Variants in WDFY4 observed in about 807,000 individuals in gnomAD.
WDFY4 encodes WD repeat- and FYVE domain-containing protein 4.
WDFY4 carries 169 observed loss-of-function variants against 351.9 expected under a neutral mutation model. That is an observed-to-expected ratio of 0.48 (90% CI 0.42 to 0.55). The LOEUF (loss-of-function observed/expected upper bound fraction) is 0.55. WDFY4 is among the 20% of genes least tolerant of loss of function. WDFY4 has a pLI of 0.00. For synonymous variants in WDFY4, 1,622 were observed against 1,574.6 expected (o/e 1.03, Z -0.71); for missense variants, 3,803 against 3,935.6 (o/e 0.97, Z 0.90).
intron 43 of WDFY4, among the ~76,000 whole-genome samples, chr10:48,884,538 G>A (rs2070380094): frequency 6.6e-6 from 1 of 151,606 alleles, no homozygotes; most frequent in Non-Finnish European, 1.5e-5. Flanking sequence ...ACATACATGT[G>A]TGCATACACA....
In WDFY4 at chr10:48,946,090, G is replaced by A. The variant is rs762856309; in HGVS notation, c.7800G>A (p.Met2600Ile). ...TTTTCCGGGATCTTTCAAAGCCCATGGGGGCTCAGACCAAGGAAAGGAAGC... is the reference window on the plus strand; with the variant it reads ...TTTTCCGGGATCTTTCAAAGCCCATAGGGGCTCAGACCAAGGAAAGGAAGC... Reference protein sequence around the residue: ...PKIFRDLSKPMGAQTKERKLK... With the variant: ...PKIFRDLSKPIGAQTKERKLK... Residue 2600 changes from methionine (M) to isoleucine (I), a missense_variant, in exon 50 of 62, where the codon ATG (methionine) becomes ATA (isoleucine). Transcript: ENST00000325239. The A allele has an allele frequency of 6.1e-5, 95 of 1,548,468 alleles. No homozygotes were observed. Among genetic ancestry groups the A allele is most frequent in the Middle Eastern group, 1.7e-4 (1 of 6,012 alleles).
intron 44 of WDFY4, among the ~76,000 whole-genome samples, chr10:48,893,614 A>G (rs775183782): frequency 6.6e-6 from 1 of 152,360 alleles, no homozygotes; most frequent in Non-Finnish European, 1.5e-5. Flanking sequence ...GACTCCATAG[A>G]TGGAAAGAGT....
intron 31 of WDFY4, among the ~76,000 whole-genome samples, chr10:48,814,863 G>T (rs938262952): frequency 6.6e-6 from 1 of 152,114 alleles, no homozygotes; most frequent in Non-Finnish European, 1.5e-5. Flanking sequence ...TCCAAGATTC[G>T]ACCATATCCT....
chr10:48,691,896 T>C (rs999767821), intron 1 of WDFY4, among the ~76,000 whole-genome samples: 1 of 152,128 alleles, frequency 6.6e-6, no homozygotes, highest in Admixed American at 6.5e-5. Context: ...AGAGTGGCCC[T>C]GTGTGCAGAA....
chr10:48,686,959 T>G (rs1020499926), intron 1 of WDFY4, among the ~76,000 whole-genome samples: 3 of 152,170 alleles, frequency 2.0e-5, no homozygotes, highest in African/African-American at 7.2e-5. Flanking sequence ...TTCCAAAGTT[T>G]TTGCCTCATT....
At position 48,806,105 on chromosome 10, in the gene WDFY4, C is replaced by A; in HGVS notation, c.4738+10C>A. On this transcript the variant is annotated intron_variant, in intron 27 of 61. Coordinates refer to ENST00000325239, the MANE Select transcript of WDFY4 (RefSeq NM_001394531.1). ...GACCCTTCCCTGCCTGGTGAGAAGA[C>A]CTTTGCCAGTTCGAAGGCAGTAGGA... 6.4e-7 allele frequency: 1 copy of A among 1,551,542 alleles called. No individual in the cohort carries two copies. Among genetic ancestry groups the A allele is most frequent in the Non-Finnish European group, 8.7e-7 (1 of 1,146,862 alleles).
At chr10:48,788,125 T>C (rs1316684074) in intron 20 of WDFY4, among the ~76,000 whole-genome samples, 1 of 151,596 alleles carries the variant, frequency 6.6e-6, no homozygotes, top group Non-Finnish European at 1.5e-5. Flanking sequence ...CCTCCCCGGT[T>C]CAAGCCATTC....
chr10:48,716,240 A>G (rs961018829), intron 2 of WDFY4, among the ~76,000 whole-genome samples: 6 of 152,068 alleles, frequency 3.9e-5, no homozygotes, highest in African/African-American at 1.4e-4. Context: ...TAATAATGAC[A>G]TTTTGTTCGT....
intron 9 of WDFY4, 56 bp from the exon 10 acceptor site, chr10:48,733,875 T>G: frequency 6.8e-7 from 1 of 1,468,216 alleles, no homozygotes; most frequent in Non-Finnish European, 9.3e-7. Flanking sequence ...GTCAGAGATT[T>G]GCGGTCATAC....
chr10:48,754,198 A>C (rs184255380), intron 12 of WDFY4, among the ~76,000 whole-genome samples: 61 of 149,724 alleles, frequency 4.1e-4, no homozygotes, highest in Middle Eastern at 3.6e-3. Flanking sequence ...ATGTATGTTC[A>C]TAAGGGACAT....
At chr10:48,685,487 AG>A in intron 1 of WDFY4, among the ~76,000 whole-genome samples, 1 of 152,138 alleles carries the variant, frequency 6.6e-6, no homozygotes, top group East Asian at 1.9e-4. Flanking sequence ...CGGGCCTCAG[AG>A]GGAGCTGGTC....
At chr10:48,929,631 A>G (rs1414754499) in intron 47 of WDFY4, among the ~76,000 whole-genome samples, 1 of 152,218 alleles carries the variant, frequency 6.6e-6, no homozygotes, top group East Asian at 1.9e-4. Flanking sequence ...CTATACACTA[A>G]CGATTGCCCG....
chr10:48,976,188 T>C (rs1465158466), intron 58 of WDFY4, among the ~76,000 whole-genome samples: 1 of 152,040 alleles, frequency 6.6e-6, no homozygotes, highest in Non-Finnish European at 1.5e-5. Flanking sequence ...ATCCCTTCTG[T>C]GATTAGGGCA....
intron 39 of WDFY4, among the ~76,000 whole-genome samples, chr10:48,846,689 G>A (rs552296140): frequency 6.6e-5 from 10 of 152,334 alleles, no homozygotes; most frequent in Non-Finnish European, 1.3e-4. Context: ...CCAGTGGTGA[G>A]TCACACAGTA....
chr10:48,751,697 A>G (rs1363827122), intron 12 of WDFY4, among the ~76,000 whole-genome samples: 5 of 152,178 alleles, frequency 3.3e-5, no homozygotes, highest in African/African-American at 1.2e-4. Context: ...TCAAGTATCC[A>G]CAGGCCTTAG....
chr10:48,727,424 C>T, intron 6 of WDFY4, 46 bp from the exon 7 acceptor site: 3 of 1,532,346 alleles, frequency 2.0e-6, no homozygotes, highest in Non-Finnish European at 2.6e-6. Context: ...CAGGAAAGCT[C>T]TTGCTTCCAA....
intron 47 of WDFY4, among the ~76,000 whole-genome samples, chr10:48,933,604 C>G (rs540240361): frequency 1.3e-5 from 2 of 152,302 alleles, no homozygotes; most frequent in South Asian, 4.1e-4. Context: ...ATAGCTCATC[C>G]CTCCCTGAAA....
chr10:48,967,664 A>C (rs1396560634), intron 55 of WDFY4: 1 of 152,240 alleles, frequency 6.6e-6, no homozygotes, highest in Non-Finnish European at 1.5e-5. Context: ...CCAGCCCAGG[A>C]GGGAGGATCT....
intron 12 of WDFY4, among the ~76,000 whole-genome samples, chr10:48,756,006 A>T (rs1314828361): frequency 6.6e-6 from 1 of 152,016 alleles, no homozygotes; most frequent in African/African-American, 2.4e-5. Flanking sequence ...TGAATTGGGA[A>T]GTGTTCCTTT....
Sources: gnomAD v4.1 joint callset for allele counts (sites outside exome capture counted in the v4.1 genomes callset) on GRCh38, gnomAD v4.1.1 for gene constraint, MANE v1.5 for transcripts, NCBI Gene and HGNC (gene_info 2026-07-23, HGNC 2026-07-21) for gene names.